The following MYO5A variants were observed in gnomAD, a reference collection of about 807,000 sequenced individuals.
MYO5A encodes the protein unconventional myosin-Va.
Under a neutral mutation model 249.7 loss-of-function variants are expected in MYO5A, and 98 were observed. The ratio of observed to expected loss-of-function variants is 0.39; its 90% CI spans 0.33 to 0.46. The LOEUF is 0.46. Ranked by LOEUF, MYO5A falls within the 20% of genes least tolerant of loss-of-function variation. The pLI, the probability that MYO5A is intolerant of heterozygous loss-of-function variation, is 0.98. For missense variants in MYO5A, 1,696 were observed against 2,308.8 expected (o/e 0.73, Z 5.44); for synonymous variants, 778 against 810.6 (o/e 0.96, Z 0.68).
Position 52,379,885 on chromosome 15 carries a change from T to C in MYO5A, c.2036A>G (p.Gln679Arg). ...PFTFDEKRAVQQLRACGVLET... is the reference protein window; with the variant it reads ...PFTFDEKRAVRQLRACGVLET... Reference sequence around the variant, plus strand: ...CAGGACACCACATGCTCTCAGCTGCTGCACTGCCCTCTTCTCATCAAACCT... The same window carrying C: ...CAGGACACCACATGCTCTCAGCTGCCGCACTGCCCTCTTCTCATCAAACCT... The change falls in exon 17 of 42, where the codon CAG becomes CGG. Residue 679 changes from glutamine (Q) to arginine (R), a missense_variant. Transcript: ENST00000399233. 6.2e-7 allele frequency: 1 copy of C among 1,614,098 alleles called. No individual in the cohort carries two copies. Among genetic ancestry groups the C allele is most frequent in the South Asian group, 1.1e-5 (1 of 91,074 alleles).
At chr15:52,439,781 A>C (rs930623232) in intron 1 of MYO5A, among the ~76,000 whole-genome samples, 2 of 152,180 alleles carry the variant, frequency 1.3e-5, no homozygotes, top group African/African-American at 4.8e-5. Flanking sequence ...GAGAAGGAAA[A>C]AGAAGAGCCT....
intron 25 of MYO5A, among the ~76,000 whole-genome samples, chr15:52,355,226 C>T (rs182727297): frequency 6.6e-5 from 10 of 152,284 alleles, no homozygotes; most frequent in African/African-American, 2.4e-4. Flanking sequence ...ATAAACCAAA[C>T]ATATACAGTC....
intron 4 of MYO5A, among the ~76,000 whole-genome samples, chr15:52,417,869 C>A (rs930626863): frequency 5.3e-5 from 8 of 152,156 alleles, no homozygotes; most frequent in Non-Finnish European, 1.2e-4. Flanking sequence ...TTATAAATCA[C>A]CCAGTCTGTG....
chr15:52,367,043 T>C lies in MYO5A; in HGVS notation c.3148A>G (p.Lys1050Glu). Residue 1050 changes from lysine (K) to glutamate (E), a missense_variant, in exon 23 of 42, where the codon AAG (lysine) becomes GAG (glutamate). By Grantham distance (56) the Lys-to-Glu change is moderately conservative. Transcript: ENST00000399233. The stretch of plus-strand genomic sequence containing the variant: ...ATATAAGCTTTACCTGTCATCTCCT[T>C]AGCCTGCTGCACGATGCGGTGATTG... The part of the protein sequence containing the change: ...ALNHRIVQQA[K>E]EMTETMEKKL... 1 of 1,613,778 alleles carries C rather than the reference T, an allele frequency of 6.2e-7. No homozygotes were observed. The highest frequency in any genetic ancestry group is 1.1e-5 in the South Asian group (1 of 91,074).
chr15:52,471,289 G>C (rs1309722916), intron 1 of MYO5A, among the ~76,000 whole-genome samples: 1 of 151,786 alleles, frequency 6.6e-6, no homozygotes, highest in Non-Finnish European at 1.5e-5. Flanking sequence ...TTCCAGAATA[G>C]GGCACTTTTG....
chr15:52,456,626 T>C (rs1290392677), intron 1 of MYO5A, among the ~76,000 whole-genome samples: 1 of 151,864 alleles, frequency 6.6e-6, no homozygotes, highest in Non-Finnish European at 1.5e-5. Context: ...AACAGACACA[T>C]AGACCAAGGG....
At chr15:52,501,009 G>A (rs1056678811) in intron 1 of MYO5A, among the ~76,000 whole-genome samples, 1 of 151,406 alleles carries the variant, frequency 6.6e-6, no homozygotes, top group Admixed American at 6.6e-5. Context: ...TTGCTCTGTC[G>A]CCCAGGCTGG....
rs2038695458 is a variant in MYO5A, at chr15:52,328,122, T to C, written c.4556-116A>G. Reference sequence around the variant, plus strand: ...AGTTCAATCATTCAAGGTAAGTAGGTAATATAAAAAGTGTATTTTAATAGC... The same window carrying C: ...AGTTCAATCATTCAAGGTAAGTAGGCAATATAAAAAGTGTATTTTAATAGC... On this transcript the variant is annotated intron_variant, in intron 35 of 41. Transcript: ENST00000399233. 5.8e-6 allele frequency: 5 copies of C among 856,026 alleles called. No homozygotes were observed. In the Admixed American group the frequency reaches 1.2e-4, roughly 20 times the overall value. 53.0% of individuals were successfully genotyped at this position (856,026 alleles called of 1,614,324 possible).
intron 1 of MYO5A, among the ~76,000 whole-genome samples, chr15:52,483,144 T>TC (rs747898707): frequency 1.1e-4 from 17 of 152,320 alleles, no homozygotes; most frequent in Non-Finnish European, 2.2e-4. Context: ...TCTACACCAC[T>TC]CCTCTGGTTT....
At chr15:52,387,627 G>A in intron 14 of MYO5A, 1 of 535,106 alleles carries the variant, frequency 1.9e-6, no homozygotes, top group East Asian at 3.2e-5. Context: ...CATAAAATAA[G>A]AGTCATTAGA....
chr15:52,501,302 T>C (rs1237455242), intron 1 of MYO5A, among the ~76,000 whole-genome samples: 6 of 151,946 alleles, frequency 3.9e-5, no homozygotes, highest in Non-Finnish European at 8.8e-5. Flanking sequence ...CAAAAATGTC[T>C]CTTTGAAATA....
intron 1 of MYO5A, among the ~76,000 whole-genome samples, chr15:52,448,072 C>G (rs1301858448): frequency 1.3e-5 from 2 of 152,202 alleles, no homozygotes; most frequent in African/African-American, 4.8e-5. Flanking sequence ...GAATGGTAGA[C>G]AGTGACAGCT....
intron 39 of MYO5A, 147 bp from the exon 40 acceptor site, chr15:52,317,369 C>T: frequency 1.3e-6 from 1 of 745,790 alleles, no homozygotes; most frequent in East Asian, 2.7e-5. Context: ...ATCAGCTGTG[C>T]TTAAAAATTT....
intron 34 of MYO5A, among the ~76,000 whole-genome samples, chr15:52,336,148 GA>G (rs2039108160): frequency 6.6e-6 from 1 of 152,178 alleles, no homozygotes; most frequent in Non-Finnish European, 1.5e-5. Flanking sequence ...TTGAACCCAA[GA>G]AGCTTGACTC....
chr15:52,370,209 A>C lies in MYO5A; in HGVS notation c.3026T>G (p.Ile1009Ser), dbSNP rs2041032457. 6.2e-7 allele frequency: 1 copy of C among 1,613,942 alleles called. No homozygotes were observed. The highest frequency in any genetic ancestry group is 1.3e-5 in the African/African-American group (1 of 74,884). The change falls in exon 22 of 42, where the codon ATT becomes AGT. Residue 1009 changes from isoleucine (I) to serine (S), a missense_variant. Around this residue, in one of 5 missense-constraint regions of MYO5A, gnomAD observed 412 missense variants for 453.3 expected, o/e 0.91. Coordinates refer to ENST00000399233, the MANE Select transcript of MYO5A (RefSeq NM_001382347.1). ...LEQTRSEKKCIEEHADRYKQE... is the reference protein window; with the variant it reads ...LEQTRSEKKCSEEHADRYKQE... ...TTTGTATCGATCTGCATGTTCCTCA[A>C]TGCATTTTTTCTCTGAACGAGTTTG... is the stretch of plus-strand genomic sequence containing the variant.
chr15:52,324,855 C>T (rs1174146901), intron 36 of MYO5A, among the ~76,000 whole-genome samples: 1 of 152,052 alleles, frequency 6.6e-6, no homozygotes, highest in African/African-American at 2.4e-5. Context: ...GGATATCAAA[C>T]CTAACTAAGT....
intron 31 of MYO5A, among the ~76,000 whole-genome samples, chr15:52,341,999 C>T (rs1413381598): frequency 6.6e-6 from 1 of 150,794 alleles, no homozygotes; most frequent in Non-Finnish European, 1.5e-5. Context: ...ATGTGAATTT[C>T]ATAATAACCA....
At chr15:52,433,832 G>A (rs940681528) in intron 1 of MYO5A, among the ~76,000 whole-genome samples, 1 of 152,084 alleles carries the variant, frequency 6.6e-6, no homozygotes, top group Non-Finnish European at 1.5e-5. Flanking sequence ...ATCAAAGCTT[G>A]ACTTTGCTTT....
At chr15:52,505,544 G>T (rs1379409228) in intron 1 of MYO5A, 1 of 1,565,124 alleles carries the variant, frequency 6.4e-7, no homozygotes, top group Non-Finnish European at 8.8e-7. Flanking sequence ...AAGAGGCTAA[G>T]GGAAGAACGT....
Sources: gnomAD v4.1 joint callset for allele counts (sites outside exome capture counted in the v4.1 genomes callset) on GRCh38, gnomAD v4.1.1 for gene constraint, gnomAD v4.1.1 regional missense constraint, MANE v1.5 for transcripts, NCBI Gene and HGNC (gene_info 2026-07-23, HGNC 2026-07-21) for gene names.